The following RHOBTB1 variants were observed in gnomAD, a reference collection of about 807,000 sequenced individuals.
RHOBTB1 encodes the protein rho-related BTB domain-containing protein 1.
In RHOBTB1, 40 loss-of-function variants were observed where a neutral mutation model predicts 71.6. The observed-to-expected ratio is 0.56, with a 90% CI of 0.43 to 0.73. The LOEUF (loss-of-function observed/expected upper bound fraction) is 0.73. Ranked by LOEUF, RHOBTB1 falls within the 30% of genes least tolerant of loss-of-function variation. The pLI is 0.00. For synonymous variants in RHOBTB1, 319 were observed against 334.9 expected, an observed-to-expected ratio of 0.95 and a Z score of 0.52; for missense variants, 797 against 894.0, an observed-to-expected ratio of 0.89 and a Z score of 1.38.
intron 8 of RHOBTB1, among the ~76,000 whole-genome samples, chr10:60,875,870 T>A: frequency 6.6e-6 from 1 of 152,232 alleles, no homozygotes; most frequent in African/African-American, 2.4e-5. Context: ...GTCACCTGCC[T>A]CTGAGACTGA....
At chr10:60,976,993 TA>T (rs899140853) in intron 2 of RHOBTB1, among the ~76,000 whole-genome samples, 11 of 152,054 alleles carry the variant, frequency 7.2e-5, no homozygotes, top group African/African-American at 2.7e-4. Context: ...ATAAATTTTT[TA>T]AAATCTTAGC....
chr10:60,907,389 C>G (rs1433789046), intron 4 of RHOBTB1, among the ~76,000 whole-genome samples: 1 of 152,104 alleles, frequency 6.6e-6, no homozygotes, highest in Non-Finnish European at 1.5e-5. Flanking sequence ...AGGCGCTTTC[C>G]TTGCCAAAAA....
intron 1 of RHOBTB1, among the ~76,000 whole-genome samples, chr10:60,992,945 C>T (rs989390147): frequency 1.3e-5 from 2 of 152,082 alleles, no homozygotes. Flanking sequence ...AGAAAGAAAT[C>T]GTAGAAGTCC....
At chr10:60,988,176 T>A (rs990443945) in intron 1 of RHOBTB1, among the ~76,000 whole-genome samples, 1 of 151,940 alleles carries the variant, frequency 6.6e-6, no homozygotes, top group African/African-American at 2.4e-5. Context: ...CCTCGTGATC[T>A]GCCCGCCTCG....
intron 1 of RHOBTB1, among the ~76,000 whole-genome samples, chr10:60,990,709 C>T (rs2086834697): frequency 6.6e-6 from 1 of 152,178 alleles, no homozygotes; most frequent in African/African-American, 2.4e-5. Context: ...TCATCTTTCA[C>T]TACTGGGCCA....
intron 2 of RHOBTB1, among the ~76,000 whole-genome samples, chr10:60,935,930 A>G (rs1337684484): frequency 2.0e-5 from 3 of 152,162 alleles, no homozygotes; most frequent in African/African-American, 7.2e-5. Flanking sequence ...GGGAATATTT[A>G]CACCACAGAA....
At chr10:60,914,543 G>C (rs1483375977) in intron 2 of RHOBTB1, among the ~76,000 whole-genome samples, 1 of 152,118 alleles carries the variant, frequency 6.6e-6, no homozygotes, top group Non-Finnish European at 1.5e-5. Context: ...TTTAGACTTA[G>C]TAAAAATGGA....
At chr10:60,945,918 G>T (rs928391072), upstream of RHOBTB1, among the ~76,000 whole-genome samples, 12 of 152,146 alleles carry the variant, frequency 7.9e-5, no homozygotes, top group Admixed American at 6.5e-5. Context: ...GGTGGCTCAC[G>T]CCTGTAATCC....
chr10:60,863,732 C>T, the RHOBTB1 span, among the ~76,000 whole-genome samples: 5 of 152,080 alleles, frequency 3.3e-5, no homozygotes, highest in African/African-American at 4.8e-5. Context: ...GGAGTTTCAC[C>T]GTGTTGGCCA....
intron 2 of RHOBTB1, among the ~76,000 whole-genome samples, chr10:60,957,431 G>A (rs1897360): frequency 6.6e-5 from 10 of 152,230 alleles, no homozygotes; most frequent in East Asian, 1.9e-4. Context: ...TTATGGGACC[G>A]CTGTCGTATG....
chr10:60,918,175 G>A (rs1030241100), intron 2 of RHOBTB1, among the ~76,000 whole-genome samples: 1 of 152,168 alleles, frequency 6.6e-6, no homozygotes. Context: ...TTTCTGCAAA[G>A]CCTTTCTTGA....
chr10:60,909,577 A>T (rs1267564356), intron 4 of RHOBTB1, among the ~76,000 whole-genome samples: 1 of 152,206 alleles, frequency 6.6e-6, no homozygotes, highest in Non-Finnish European at 1.5e-5. Context: ...TACAAACCTG[A>T]CTGCCCAGCA....
intron 7 of RHOBTB1, among the ~76,000 whole-genome samples, chr10:60,882,045 A>C (rs927877290): frequency 6.6e-6 from 1 of 152,170 alleles, no homozygotes; most frequent in African/African-American, 2.4e-5. Flanking sequence ...CTGATTTTTT[A>C]AAAAAGCCCG....
intron 2 of RHOBTB1, among the ~76,000 whole-genome samples, chr10:60,930,436 A>C (rs2084174898): frequency 6.6e-6 from 1 of 152,220 alleles, no homozygotes; most frequent in Admixed American, 6.5e-5. Context: ...ATGAGTTTGC[A>C]ATAATCCAGA....
chr10:60,879,005 G>A (rs2081180802), intron 7 of RHOBTB1, among the ~76,000 whole-genome samples: 1 of 152,234 alleles, frequency 6.6e-6, no homozygotes, highest in Non-Finnish European at 1.5e-5. Context: ...ACCAGGCACT[G>A]CACTAAGATT....
At position 60,878,051 on chromosome 10, in the gene RHOBTB1, A is replaced by G; in HGVS notation, c.1583T>C (p.Leu528Pro). The change falls in exon 8 of 11, where the codon CTC becomes CCC. Residue 528 changes from leucine (L) to proline (P), a missense_variant. Transcript: ENST00000337910. Reference sequence around the variant, plus strand: ...CATTGATATCTTGTTTATGTTCGGGAGATACACCTGAAATGTTATACAAAA... The same window carrying G: ...CATTGATATCTTGTTTATGTTCGGGGGATACACCTGAAATGTTATACAAAA... Reference protein sequence around the residue: ...FVESANSEVYLPNINKISMQA... With the variant: ...FVESANSEVYPPNINKISMQA... The G allele has an allele frequency of 6.2e-7, 1 of 1,609,988 alleles. No individual in the cohort carries two copies. The highest frequency in any genetic ancestry group is 8.5e-7 in the Non-Finnish European group (1 of 1,178,700).
chr10:60,885,290 G>A lies in RHOBTB1; in HGVS notation c.1575+822C>T, dbSNP rs538883062. 3.3e-5 allele frequency among the ~76,000 whole-genome samples: 5 copies of A among 152,226 alleles called. No homozygotes were observed. In the South Asian group the frequency reaches 6.2e-4, roughly 19 times the overall value. On this transcript the variant is annotated intron_variant, in intron 7 of 10. Coordinates refer to ENST00000337910, the MANE Select transcript of RHOBTB1 (RefSeq NM_014836.5). ...GAAACATCATGTACCCCATAACTAT[G>A]TATAATAATTATTATTTGTCAGTTA...
chr10:60,986,111 C>G (rs1481149710), intron 1 of RHOBTB1, among the ~76,000 whole-genome samples: 2 of 151,930 alleles, frequency 1.3e-5, no homozygotes, highest in African/African-American at 4.8e-5. Context: ...AAAGTTAGAG[C>G]AAAGAAGGCT....
Position 60,889,149 on chromosome 10 carries a change from T to G in RHOBTB1, c.519A>C (p.Lys173Asn). 1 of 1,611,352 alleles carries G rather than the reference T, an allele frequency of 6.2e-7. No individual in the cohort carries two copies. Among genetic ancestry groups the G allele is most frequent in the Non-Finnish European group, 8.5e-7 (1 of 1,178,618 alleles). ...CAAGTTCCTTTGCTACCTCTCGGCC[T>G]TTTTCTGGGGGCAAAATATCCCCTC... ...IKRGDILPPE[K>N]GREVAKELGL... Residue 173 changes from lysine to asparagine, a missense_variant, in exon 6 of 11, where the codon AAA (lysine) becomes AAC (asparagine). Physicochemically the swap from Lys to Asn is moderately conservative, Grantham distance 94 (BLOSUM62 0). Coordinates refer to ENST00000337910, the MANE Select transcript of RHOBTB1 (RefSeq NM_014836.5).
Sources: allele counts gnomAD v4.1 joint callset (sites outside exome capture counted in the v4.1 genomes callset), GRCh38; gene constraint gnomAD v4.1.1; transcripts MANE v1.5; gene names NCBI Gene and HGNC (gene_info 2026-07-23, HGNC 2026-07-21).